Variants in GRM3 observed in about 807,000 individuals in gnomAD.
GRM3 encodes glutamate metabotropic receptor 3.
Under a neutral mutation model 70.5 loss-of-function variants are expected in GRM3, and 26 were observed. That is an observed-to-expected ratio of 0.37 (90% CI 0.27 to 0.51). The LOEUF (loss-of-function observed/expected upper bound fraction) is 0.51. GRM3 is among the 20% of genes least tolerant of loss of function. The pLI, the probability that GRM3 is intolerant of heterozygous loss-of-function variation, is 0.93. For missense variants in GRM3, 859 were observed against 1,123.8 expected (o/e 0.76, Z 3.37); for synonymous variants, 443 against 434.9 (o/e 1.02, Z -0.23).
chr7:86,703,139 T>G (rs1291280266), intron 1 of GRM3, among the ~76,000 whole-genome samples: 3 of 151,976 alleles, frequency 2.0e-5, no homozygotes, highest in African/African-American at 7.2e-5. Context: ...AAAAAGACAT[T>G]TCTAGAATAT....
At chr7:86,693,261 C>T (rs895091233) in intron 1 of GRM3, among the ~76,000 whole-genome samples, 1 of 152,130 alleles carries the variant, frequency 6.6e-6, no homozygotes, top group Admixed American at 6.5e-5. Flanking sequence ...AATAAGGAGA[C>T]CATTTCTTCA....
At chr7:86,696,980 T>C (rs1794833396) in intron 1 of GRM3, among the ~76,000 whole-genome samples, 1 of 152,186 alleles carries the variant, frequency 6.6e-6, no homozygotes. Flanking sequence ...TCCTATCCTA[T>C]TGGGAATATG....
chr7:86,688,149 C>T (rs1285320476), intron 1 of GRM3, among the ~76,000 whole-genome samples: 1 of 151,196 alleles, frequency 6.6e-6, no homozygotes, highest in Non-Finnish European at 1.5e-5. Context: ...AATTACACCT[C>T]AAAACTGAAA....
chr7:86,817,997 C>A (rs1798050411), intron 3 of GRM3, among the ~76,000 whole-genome samples: 1 of 152,020 alleles, frequency 6.6e-6, no homozygotes, highest in African/African-American at 2.4e-5. Context: ...GCTGAGCCTA[C>A]CTCCTTAGAC....
rs192377934 is a variant in GRM3, at chr7:86,831,542, C to T, written c.1325-7297C>T. Among the ~76,000 whole-genome samples the T allele has an allele frequency of 1.7e-3, 260 of 152,188 alleles. 1 individual carries two copies. The highest frequency in any genetic ancestry group is 5.8e-3 in the African/African-American group (240 of 41,514). On this transcript the variant is annotated intron_variant, in intron 3 of 5. Coordinates refer to ENST00000361669, the MANE Select transcript of GRM3 (RefSeq NM_000840.3). ...CAAATAAATCAGGTTAGCCCTGTCC[C>T]CTGAATTGCGGGTAGGAGGATTGGA... is the stretch of plus-strand genomic sequence containing the variant.
chr7:86,760,554 A>G (rs534857574), intron 1 of GRM3, among the ~76,000 whole-genome samples: 1 of 152,230 alleles, frequency 6.6e-6, no homozygotes, highest in East Asian at 1.9e-4. Context: ...AAGAACCGGA[A>G]AAGAGGTGGT....
In GRM3 at chr7:86,765,415, G is replaced by T; in HGVS notation, c.270G>T (p.Lys90Asn). The T allele has an allele frequency of 6.2e-7, 1 of 1,613,988 alleles. No homozygotes were observed. Among genetic ancestry groups the T allele is most frequent in the Non-Finnish European group, 8.5e-7 (1 of 1,179,886 alleles). The stretch of plus-strand genomic sequence containing the variant: ...ATGATTACTTGCTACCAGGAGTGAA[G>T]TTGGGTGTTCACATTTTGGATACAT... ...NKDDYLLPGV[K>N]LGVHILDTCS... The change falls in exon 2 of 6, where the codon AAG becomes AAT. Residue 90 changes from lysine to asparagine, a missense_variant. Lys to Asn is a moderately conservative substitution (Grantham distance 94, BLOSUM62 0). Transcript: ENST00000361669.
At chr7:86,820,580 T>C (rs1287697676) in intron 3 of GRM3, among the ~76,000 whole-genome samples, 1 of 152,290 alleles carries the variant, frequency 6.6e-6, no homozygotes, top group Middle Eastern at 3.4e-3. Context: ...TAGAGTGTTA[T>C]GATAATATTT....
chr7:86,809,971 C>G (rs1048199551), intron 3 of GRM3, among the ~76,000 whole-genome samples: 13 of 152,004 alleles, frequency 8.6e-5, no homozygotes, highest in Admixed American at 2.0e-4. Flanking sequence ...AAGGAAAGAA[C>G]AGGAGTAGCT....
At position 86,839,975 on chromosome 7, in the gene GRM3, T is replaced by G; in HGVS notation, c.2391+70T>G. On this transcript the variant is annotated intron_variant, in intron 4 of 5. Coordinates refer to ENST00000361669, the MANE Select transcript of GRM3 (RefSeq NM_000840.3). The surrounding 1 kb of genome is among the most constrained non-coding windows in gnomAD (Gnocchi z 4.5). ...AGTGTTTCTTGTGTAGTATTTAAAA[T>G]AGACTCCTTTTATTTCATCTCAACG... The G allele has an allele frequency of 1.2e-6, 1 of 852,482 alleles. No individual in the cohort carries two copies. Among genetic ancestry groups the G allele is most frequent in the Non-Finnish European group, 1.9e-6 (1 of 522,472 alleles). The allele number at this position is 852,482 out of a possible 1,614,324, so 52.8% of individuals were successfully genotyped here.
At chr7:86,859,468 A>G (rs531040157) in intron 5 of GRM3, among the ~76,000 whole-genome samples, 49 of 152,326 alleles carry the variant, frequency 3.2e-4, no homozygotes, top group African/African-American at 1.1e-3. Context: ...AACAGATTCA[A>G]TGACAAAGCA....
chr7:86,756,058 T>G (rs952529819), intron 1 of GRM3, among the ~76,000 whole-genome samples: 4 of 152,082 alleles, frequency 2.6e-5, no homozygotes, highest in Non-Finnish European at 5.9e-5. Flanking sequence ...GTAATTCCTG[T>G]AGCATTTCTT....
At chr7:86,828,947 C>T (rs1239134868) in intron 3 of GRM3, among the ~76,000 whole-genome samples, 10 of 152,334 alleles carry the variant, frequency 6.6e-5, no homozygotes, top group African/African-American at 1.4e-4. Context: ...ATTTCAACAA[C>T]GTTCACGGCT....
In GRM3 at chr7:86,839,845, C is replaced by A. The variant is rs2116739396; in HGVS notation, c.2331C>A (p.Thr777=). ...EAKFIGFTMY[T]TCIIWLAFLP... ...AGTTCATAGGTTTTACCATGTACAC[C>A]ACGTGCATCATCTGGTTGGCCTTCC... The change falls in exon 4 of 6, where the codon ACC becomes ACA. Residue 777 remains threonine, a synonymous_variant. Transcript: ENST00000361669. The surrounding 1 kb of genome is among the most constrained non-coding windows in gnomAD (Gnocchi z 4.5). 1 of 1,613,800 alleles carries A rather than the reference C, an allele frequency of 6.2e-7. No homozygotes were observed. The highest frequency in any genetic ancestry group is 8.5e-7 in the Non-Finnish European group (1 of 1,179,726).
At position 86,840,024 on chromosome 7, in the gene GRM3, G is replaced by T. The variant is rs566520597; in HGVS notation, c.2391+119G>T. On this transcript the variant is annotated intron_variant, in intron 4 of 5. Transcript: ENST00000361669. ...CGAGTTGGGTAATTTCAAATGCCAT[G>T]ATGAGCCTGTATATTGTATGTTAAA... The T allele has an allele frequency of 1.8e-4, 119 of 647,104 alleles. 1 individual carries two copies. In the African/African-American group the frequency reaches 2.0e-3, roughly 11 times the overall value. The allele number at this position is 647,104 out of a possible 1,614,324, so 40.1% of individuals were successfully genotyped here. A position where few individuals can be genotyped will look rare whatever the true frequency, so the allele number is the denominator to read the frequency against.
At chr7:86,863,447 G>T (rs1470923133) in intron 5 of GRM3, among the ~76,000 whole-genome samples, 1 of 152,116 alleles carries the variant, frequency 6.6e-6, no homozygotes, top group Admixed American at 6.6e-5. Flanking sequence ...GAGGCTGAAA[G>T]TCTGAAAGGA....
At chr7:86,699,829 A>G (rs1428020087) in intron 1 of GRM3, among the ~76,000 whole-genome samples, 1 of 152,030 alleles carries the variant, frequency 6.6e-6, no homozygotes, top group East Asian at 1.9e-4. Context: ...CCCAGGAGGT[A>G]AAGGGGAAAT....
intron 1 of GRM3, among the ~76,000 whole-genome samples, chr7:86,757,117 G>C (rs80010517): frequency 0.025 from 3,775 of 152,158 alleles, 157 homozygotes; most frequent in African/African-American, 0.084. Flanking sequence ...AATAGTCCAA[G>C]TTCTTGTCTG....
At chr7:86,699,711 C>G (rs559368234) in intron 1 of GRM3, among the ~76,000 whole-genome samples, 1 of 152,094 alleles carries the variant, frequency 6.6e-6, no homozygotes, top group South Asian at 2.1e-4. Context: ...GATCTCAGTA[C>G]AGATTTCATC....
Sources: gnomAD v4.1 joint callset for allele counts (sites outside exome capture counted in the v4.1 genomes callset) on GRCh38, gnomAD v4.1.1 for gene constraint, Gnocchi (gnomAD v3.1) non-coding constraint, MANE v1.5 for transcripts, NCBI Gene and HGNC (gene_info 2026-07-23, HGNC 2026-07-21) for gene names.